Variants in E2F5 observed in about 807,000 individuals in gnomAD.
The protein encoded by E2F5 is E2F transcription factor 5.
Under a neutral mutation model 39.1 loss-of-function variants are expected in E2F5, and 23 were observed. That is an observed-to-expected ratio of 0.59 (90% CI 0.42 to 0.83). The LOEUF (loss-of-function observed/expected upper bound fraction) is 0.83. E2F5 is among the 40% of genes least tolerant of loss of function. E2F5 has a pLI of 0.00. For synonymous variants in E2F5, 145 were observed against 157.8 expected (o/e 0.92, Z 0.61); for missense variants, 365 against 406.7 (o/e 0.90, Z 0.88).
chr8:85,197,582 A>T (rs1563980198), intron 1 of E2F5, among the ~76,000 whole-genome samples: 1 of 152,196 alleles, frequency 6.6e-6, no homozygotes, highest in Non-Finnish European at 1.5e-5. Flanking sequence ...TCATATTTTT[A>T]GAACAGGATT....
At chr8:85,212,432 C>G (rs1376978283) in intron 7 of E2F5, 2 of 459,788 alleles carry the variant, frequency 4.3e-6, no homozygotes, top group African/African-American at 2.0e-5. Context: ...TACTTCTCAC[C>G]TTCATTGAAA....
At chr8:85,206,116 A>G (rs1416595766) in intron 3 of E2F5, 61 bp from the exon 4 acceptor site, 5 of 1,498,810 alleles carry the variant, frequency 3.3e-6, no homozygotes, top group Non-Finnish European at 4.6e-6. Context: ...CAGATGTATT[A>G]CCTTAATTTA....
chr8:85,183,774 G>A (rs1473165131), intron 1 of E2F5, among the ~76,000 whole-genome samples: 1 of 152,204 alleles, frequency 6.6e-6, no homozygotes, highest in Non-Finnish European at 1.5e-5. Flanking sequence ...GTTGCTTAAT[G>A]GATGTTATAG....
chr8:85,177,450 C>G lies in E2F5; in HGVS notation c.30C>G (p.Gly10=). 1 of 995,938 alleles carries G rather than the reference C, an allele frequency of 1.0e-6. No homozygotes were observed. Among genetic ancestry groups the G allele is most frequent in the Non-Finnish European group, 1.2e-6 (1 of 838,242 alleles). The allele number at this position is 995,938 out of a possible 1,614,324, so 61.7% of individuals were successfully genotyped here. Residue 10 remains glycine (G), a synonymous_variant, in exon 1 of 8, where the codon GGC becomes GGG. Transcript: ENST00000416274. MAAAEPASS[G]QQAPAGQGQG... ...CGGCGGCAGAGCCCGCGAGCTCGGG[C>G]CAGCAGGCGCCGGCAGGGCAGGGGC...
intron 4 of E2F5, among the ~76,000 whole-genome samples, chr8:85,206,694 CCT>C (rs761594944): frequency 2.0e-5 from 3 of 151,974 alleles, no homozygotes; most frequent in South Asian, 2.1e-4. Flanking sequence ...ATTTGCTGCC[CCT>C]GTGTTTTCTC....
intron 1 of E2F5, chr8:85,201,799 A>C: frequency 3.8e-6 from 1 of 260,100 alleles, no homozygotes; most frequent in South Asian, 5.3e-5. Flanking sequence ...TTATGAACAG[A>C]GAAATAAGAT....
rs374875933 is a variant in E2F5, at chr8:85,209,198, C to G, written c.672C>G (p.Ile224Met). 2.5e-6 allele frequency: 4 copies of G among 1,613,978 alleles called. No individual in the cohort carries two copies. The African/African-American group carries it at 5.3e-5, about 22-fold the overall frequency. The part of the protein sequence containing the change: ...QINLKSHSGP[I>M]HVLLINKESS... ...ATCTAAAGAGTCATTCAGGACCTATCCATGTGCTGCTTATAAATAAAGAGT... is the reference window on the plus strand; with the variant it reads ...ATCTAAAGAGTCATTCAGGACCTATGCATGTGCTGCTTATAAATAAAGAGT... Residue 224 changes from isoleucine to methionine, a missense_variant, in exon 6 of 8, where the codon ATC (isoleucine) becomes ATG (methionine). Ile to Met is a conservative substitution (Grantham distance 10). Transcript: ENST00000416274.
intron 5 of E2F5, among the ~76,000 whole-genome samples, chr8:85,208,625 C>T (rs1411304235): frequency 6.6e-6 from 1 of 152,156 alleles, no homozygotes; most frequent in African/African-American, 2.4e-5. Context: ...TACATTTAGG[C>T]ATTTGTATTA....
chr8:85,211,882 G>A (rs1329685531), intron 6 of E2F5, among the ~76,000 whole-genome samples: 2 of 151,674 alleles, frequency 1.3e-5, no homozygotes, highest in Non-Finnish European at 2.9e-5. Context: ...CAAGCAATCC[G>A]TCCACCTCAC....
chr8:85,182,931 T>C (rs1812251091), intron 1 of E2F5, among the ~76,000 whole-genome samples: 1 of 152,190 alleles, frequency 6.6e-6, no homozygotes, highest in Non-Finnish European at 1.5e-5. Context: ...CTGATTTAGA[T>C]ACATCCTGGG....
intron 1 of E2F5, among the ~76,000 whole-genome samples, chr8:85,193,729 G>A (rs1283137094): frequency 2.0e-5 from 3 of 152,084 alleles, no homozygotes; most frequent in East Asian, 1.9e-4. Context: ...CAGTGAAGTC[G>A]TACCGTAGGT....
In E2F5 at chr8:85,213,949, T is replaced by C. The variant is rs1439890958; in HGVS notation, c.*87T>C. Reference sequence around the variant, plus strand: ...TAACCTAAATATTTAAAATAATGAATGTAACACCTTTTTTAGTTCACTGAT... The same window carrying C: ...TAACCTAAATATTTAAAATAATGAACGTAACACCTTTTTTAGTTCACTGAT... On this transcript the variant is annotated 3_prime_UTR_variant, in exon 8 of 8. Coordinates refer to ENST00000416274, the MANE Select transcript of E2F5 (RefSeq NM_001951.4). The C allele has an allele frequency of 7.9e-6, 6 of 759,932 alleles. No homozygotes were observed. Among genetic ancestry groups the C allele is most frequent in the East Asian group, 5.3e-5 (2 of 37,714 alleles). The allele number at this position is 759,932 out of a possible 1,614,324, so 47.1% of individuals were successfully genotyped here. A position where few individuals can be genotyped will look rare whatever the true frequency, so the allele number is the denominator to read the frequency against.
intron 6 of E2F5, 27 bp downstream of exon 6, chr8:85,209,436 A>G (rs1156341068): frequency 2.6e-6 from 4 of 1,561,296 alleles, no homozygotes; most frequent in Admixed American, 2.0e-5. Context: ...TCTTTTGTAA[A>G]TTAGAGAGGG....
At chr8:85,194,894 C>A (rs954437190) in intron 1 of E2F5, among the ~76,000 whole-genome samples, 1 of 151,730 alleles carries the variant, frequency 6.6e-6, no homozygotes, top group Non-Finnish European at 1.5e-5. Flanking sequence ...TTTAATACCA[C>A]ACCCGGCTAT....
chr8:85,209,188 C>T lies in E2F5; in HGVS notation c.662C>T (p.Ser221Leu). 6.2e-7 allele frequency: 1 copy of T among 1,614,010 alleles called. No homozygotes were observed. ...KKYQINLKSH[S>L]GPIHVLLINK... ...TACCAGATCAATCTAAAGAGTCATT[C>T]AGGACCTATCCATGTGCTGCTTATA... is the stretch of plus-strand genomic sequence containing the variant. Residue 221 changes from serine to leucine, a missense_variant, in exon 6 of 8, where the codon TCA becomes TTA. Physicochemically the swap from Ser to Leu is moderately radical, Grantham distance 145. Transcript: ENST00000416274.
intron 4 of E2F5, among the ~76,000 whole-genome samples, chr8:85,206,729 AATAATT>A (rs1412484430): frequency 2.6e-5 from 4 of 152,200 alleles, no homozygotes; most frequent in Non-Finnish European, 4.4e-5. Context: ...ATATCATGTT[AATAATT>A]ATAATTATTA....
At chr8:85,207,699 A>G (rs1466290992) in intron 5 of E2F5, among the ~76,000 whole-genome samples, 2 of 151,380 alleles carry the variant, frequency 1.3e-5, no homozygotes, top group Non-Finnish European at 2.9e-5. Context: ...TTTAAAGATT[A>G]TTGGCTATAT....
At chr8:85,195,409 C>A (rs978676400) in intron 1 of E2F5, among the ~76,000 whole-genome samples, 5 of 152,068 alleles carry the variant, frequency 3.3e-5, no homozygotes, top group African/African-American at 7.2e-5. Flanking sequence ...AGGTGCAAAT[C>A]TCAGTAATAG....
chr8:85,177,372 C>A lies in E2F5; in HGVS notation c.-49C>A. 8.1e-6 allele frequency: 8 copies of A among 986,534 alleles called. No homozygotes were observed. Among genetic ancestry groups the A allele is most frequent in the Non-Finnish European group, 9.6e-6 (8 of 831,298 alleles). The allele number at this position is 986,534 out of a possible 1,614,324, so 61.1% of individuals were successfully genotyped here. A position where few individuals can be genotyped will look rare whatever the true frequency, so the allele number is the denominator to read the frequency against. On this transcript the variant is annotated 5_prime_UTR_variant, in exon 1 of 8. Coordinates refer to ENST00000416274, the MANE Select transcript of E2F5 (RefSeq NM_001951.4). ...CCCGGCAGGTGGCCGCGGGCGGGGC[C>A]GGCGAGCGAAAGTGCGCGGGGGCCC...
Sources: allele counts gnomAD v4.1 joint callset (sites outside exome capture counted in the v4.1 genomes callset), GRCh38; gene constraint gnomAD v4.1.1; transcripts MANE v1.5; gene names NCBI Gene and HGNC (gene_info 2026-07-23, HGNC 2026-07-21).